ADAMTS16: variants seen among roughly 807,000 people sequenced by gnomAD.
ADAMTS16 encodes ADAM metallopeptidase with thrombospondin type 1 motif 16.
A neutral mutation model predicts 145.8 loss-of-function variants in ADAMTS16; 94 were observed. The observed-to-expected ratio is 0.64, with a 90% CI of 0.55 to 0.77. ADAMTS16 has a LOEUF of 0.77. ADAMTS16 is among the 30% of genes least tolerant of loss of function. The pLI, the probability that ADAMTS16 is intolerant of heterozygous loss-of-function variation, is 0.00. For synonymous variants in ADAMTS16, 659 were observed against 604.3 expected (o/e 1.09, Z -1.33); for missense variants, 1,585 against 1,591.5 (o/e 1.00, Z 0.07).
chr5:5,222,027 G>T (rs957821044), intron 10 of ADAMTS16, among the ~76,000 whole-genome samples: 1 of 152,192 alleles, frequency 6.6e-6, no homozygotes. Flanking sequence ...ATTCCAGAAG[G>T]TTCCATCATT....
At position 5,223,728 on chromosome 5, in the gene ADAMTS16, A is replaced by T. The variant is rs181076230; in HGVS notation, c.1701+844A>T. On this transcript the variant is annotated intron_variant, in intron 11 of 22. Coordinates refer to ENST00000274181, the MANE Select transcript of ADAMTS16 (RefSeq NM_139056.4). Reference sequence around the variant, plus strand: ...TTCATTATTAAAACTTTAAAAAATTATAATACTCCATACTAATATTTTAAT... The same window carrying T: ...TTCATTATTAAAACTTTAAAAAATTTTAATACTCCATACTAATATTTTAAT... 5.3e-5 allele frequency: 8 copies of T among 152,316 alleles called. No homozygotes were observed. In the East Asian group the frequency reaches 1.5e-3, roughly 29 times the overall value. The allele number at this position is 152,316 out of a possible 1,614,324, so 9.4% of individuals were successfully genotyped here. A position where few individuals can be genotyped will look rare whatever the true frequency, so the allele number is the denominator to read the frequency against.
intron 3 of ADAMTS16, among the ~76,000 whole-genome samples, chr5:5,173,188 TTTCTTAATCCA>T: frequency 6.6e-6 from 1 of 151,896 alleles, no homozygotes; most frequent in East Asian, 1.9e-4. Flanking sequence ...GTTTTTTTTT[TTTCTTAATCCA>T]TTCAGCCACT....
At chr5:5,170,513 G>A (rs1735016217) in intron 3 of ADAMTS16, among the ~76,000 whole-genome samples, 1 of 151,978 alleles carries the variant, frequency 6.6e-6, no homozygotes, top group African/African-American at 2.4e-5. Flanking sequence ...CGAGTAGCTG[G>A]GATTACAGGC....
At chr5:5,292,074 G>T (rs1402935068) in intron 18 of ADAMTS16, among the ~76,000 whole-genome samples, 1 of 152,164 alleles carries the variant, frequency 6.6e-6, no homozygotes, top group Non-Finnish European at 1.5e-5. Context: ...TGGAAATGAG[G>T]CTCTGGTCAT....
chr5:5,272,729 T>A (rs991662751), intron 18 of ADAMTS16, among the ~76,000 whole-genome samples: 1 of 152,100 alleles, frequency 6.6e-6, no homozygotes, highest in African/African-American at 2.4e-5. Flanking sequence ...AACGGCACAG[T>A]CAGGGTGGCA....
chr5:5,166,654 G>C (rs1316609227), intron 3 of ADAMTS16, among the ~76,000 whole-genome samples: 1 of 152,192 alleles, frequency 6.6e-6, no homozygotes, highest in Admixed American at 6.5e-5. Context: ...CAGATGACAA[G>C]TGTAGCTCTC....
At chr5:5,191,085 A>G (rs1300797209) in intron 7 of ADAMTS16, among the ~76,000 whole-genome samples, 1 of 152,160 alleles carries the variant, frequency 6.6e-6, no homozygotes, top group Non-Finnish European at 1.5e-5. Flanking sequence ...TGGGGAAGAA[A>G]GCACATCCTG....
intron 3 of ADAMTS16, among the ~76,000 whole-genome samples, chr5:5,163,300 A>G (rs539529395): frequency 3.3e-5 from 5 of 152,308 alleles, no homozygotes; most frequent in African/African-American, 1.2e-4. Context: ...CTGAGCATAA[A>G]TAACTTCACT....
rs760953303 is a variant in ADAMTS16 at position 5,140,423 on chromosome 5, G to C, written c.-45G>C. The C allele has an allele frequency of 1.3e-6, 2 of 1,485,810 alleles. No individual in the cohort carries two copies. Among genetic ancestry groups the C allele is most frequent in the South Asian group, 2.5e-5 (2 of 79,526 alleles). The allele number at this position is 1,485,810 out of a possible 1,614,324, so 92.0% of individuals were successfully genotyped here. On this transcript the variant is annotated 5_prime_UTR_variant, in exon 1 of 23. Coordinates refer to ENST00000274181, the MANE Select transcript of ADAMTS16 (RefSeq NM_139056.4). Reference sequence around the variant, plus strand: ...CTCCCTGCCCGCTCGCACGCTGCCGGCCGGGGACCCTCCGGTGGCCCCTAG... The same window carrying C: ...CTCCCTGCCCGCTCGCACGCTGCCGCCCGGGGACCCTCCGGTGGCCCCTAG...
At chr5:5,260,893 T>C (rs940692137) in intron 17 of ADAMTS16, among the ~76,000 whole-genome samples, 4 of 152,210 alleles carry the variant, frequency 2.6e-5, no homozygotes, top group African/African-American at 9.7e-5. Flanking sequence ...GTGTCTACAG[T>C]CTGTCCCTTT....
In ADAMTS16 at chr5:5,182,282, A is replaced by G. The variant is rs200448098; in HGVS notation, c.740A>G (p.His247Arg). ...DLRLGLPQKQ[H>R]FCGRRKKYMP... Reference sequence around the variant, plus strand: ...CGCCTGGGACTGCCACAAAAGCAGCATTTCTGTGGAAGACGCAAGAAATGT... The same window carrying G: ...CGCCTGGGACTGCCACAAAAGCAGCGTTTCTGTGGAAGACGCAAGAAATGT... The change falls in exon 4 of 23, where the codon CAT becomes CGT. Residue 247 changes from histidine (H) to arginine (R), a missense_variant. Transcript: ENST00000274181. The G allele has an allele frequency of 8.7e-5, 141 of 1,613,022 alleles. 1 individual carries two copies. In the East Asian group the frequency reaches 3.0e-3, roughly 35 times the overall value.
chr5:5,184,211 G>A (rs1735431010), intron 4 of ADAMTS16, among the ~76,000 whole-genome samples: 2 of 151,944 alleles, frequency 1.3e-5, no homozygotes, highest in South Asian at 2.1e-4. Context: ...GTGCATGGAT[G>A]CACTGCACCC....
chr5:5,146,533 C>G (rs1451175736), intron 3 of ADAMTS16, 78 bp downstream of exon 3: 3 of 1,395,034 alleles, frequency 2.2e-6, no homozygotes, highest in Non-Finnish European at 2.9e-6. Context: ...GACTTTCCCT[C>G]GATTTCGCAT....
chr5:5,278,954 G>A (rs1377832681), intron 18 of ADAMTS16, among the ~76,000 whole-genome samples: 8 of 152,188 alleles, frequency 5.3e-5, no homozygotes, highest in Non-Finnish European at 1.5e-5. Flanking sequence ...GAGAAAGGGA[G>A]ATTAGAATTC....
chr5:5,306,352 T>C (rs2126521716), intron 20 of ADAMTS16, 152 bp from the exon 21 acceptor site: 2 of 698,002 alleles, frequency 2.9e-6, no homozygotes, highest in Non-Finnish European at 4.8e-6. Flanking sequence ...ATAGATTCTA[T>C]AATGTCTCTT....
At chr5:5,215,999 C>T (rs1194781860) in intron 10 of ADAMTS16, among the ~76,000 whole-genome samples, 8 of 148,702 alleles carry the variant, frequency 5.4e-5, no homozygotes, top group African/African-American at 1.0e-4. Context: ...CTGCTATAAA[C>T]ATGTATGTGC....
At chr5:5,177,711 G>A (rs1264835563) in intron 3 of ADAMTS16, among the ~76,000 whole-genome samples, 1 of 152,144 alleles carries the variant, frequency 6.6e-6, no homozygotes, top group African/African-American at 2.4e-5. Flanking sequence ...TCACTAAGAA[G>A]ACCTAGAATG....
chr5:5,161,359 C>G (rs1041950556), intron 3 of ADAMTS16, among the ~76,000 whole-genome samples: 1 of 152,214 alleles, frequency 6.6e-6, no homozygotes, highest in Non-Finnish European at 1.5e-5. Context: ...CAACCAACTT[C>G]TTTCTCCAGT....
At chr5:5,200,017 A>G (rs1735912329) in intron 8 of ADAMTS16, 115 bp from the exon 9 acceptor site, 2 of 1,249,300 alleles carry the variant, frequency 1.6e-6, no homozygotes, top group Non-Finnish European at 2.2e-6. Flanking sequence ...TTGCCTGCCT[A>G]GCATATAGGG....
Sources: allele counts gnomAD v4.1 joint callset (sites outside exome capture counted in the v4.1 genomes callset), GRCh38; gene constraint gnomAD v4.1.1; transcripts MANE v1.5; gene names NCBI Gene and HGNC (gene_info 2026-07-23, HGNC 2026-07-21).